The following HIGD1C variants were observed in gnomAD, a reference collection of about 807,000 sequenced individuals.
HIGD1C encodes the protein HIG1 hypoxia inducible domain family member 1C.
A neutral mutation model predicts 13.1 loss-of-function variants in HIGD1C; 11 were observed. That is an observed-to-expected ratio of 0.84 (90% CI 0.53 to 1.39). HIGD1C has a LOEUF of 1.39. Among genes scored for constraint, HIGD1C ranks in the 40% most tolerant of loss-of-function variants. The pLI, the probability that HIGD1C is intolerant of heterozygous loss-of-function variation, is 0.00. For missense variants in HIGD1C, 110 were observed against 112.0 expected (o/e 0.98, Z 0.08); for synonymous variants, 36 against 37.7 (o/e 0.95, Z 0.17).
At chr12:50,945,721 G>A in the HIGD1C span, among the ~76,000 whole-genome samples, 5 of 151,924 alleles carry the variant, frequency 3.3e-5, no homozygotes, top group African/African-American at 1.2e-4. Flanking sequence ...ACAGAATTGG[G>A]AAAAACTACT....
At chr12:50,960,551 C>T (rs1939284911) in intron 1 of HIGD1C, among the ~76,000 whole-genome samples, 1 of 149,452 alleles carries the variant, frequency 6.7e-6, no homozygotes, top group South Asian at 2.2e-4. Context: ...AGATCAAATC[C>T]AGCTTGGTTC....
At chr12:50,931,814 C>T in the HIGD1C span, 24 of 151,866 alleles carry the variant, frequency 1.6e-4, no homozygotes, top group Non-Finnish European at 1.5e-5. Flanking sequence ...ATTCTCCCAC[C>T]TTGACCTCCT....
chr12:50,944,540 C>A, the HIGD1C span, among the ~76,000 whole-genome samples: 2 of 152,132 alleles, frequency 1.3e-5, no homozygotes, highest in African/African-American at 4.8e-5. Flanking sequence ...TTAGTTTTAC[C>A]TTCCCCTCAA....
At chr12:50,942,100 T>C in the HIGD1C span, among the ~76,000 whole-genome samples, 1 of 152,070 alleles carries the variant, frequency 6.6e-6, no homozygotes, top group Non-Finnish European at 1.5e-5. Flanking sequence ...CAGGCTGGTC[T>C]CAAACTCCTG....
At chr12:50,949,664 G>A (rs992065769), upstream of HIGD1C, among the ~76,000 whole-genome samples, 11 of 150,380 alleles carry the variant, frequency 7.3e-5, no homozygotes, top group African/African-American at 2.2e-4. Flanking sequence ...CTCCTCAGTA[G>A]CTGCGATTAC....
intron 2 of HIGD1C, 148 bp from the exon 5 acceptor site, chr12:50,970,294 T>C (rs1468612048): frequency 9.4e-6 from 6 of 637,762 alleles, no homozygotes; most frequent in Admixed American, 6.5e-5. Context: ...GTCACTTGTA[T>C]GATCCAAACC....
exon 1 of HIGD1C, chr12:50,953,927 G>A (rs1039353822): frequency 3.5e-6 from 3 of 865,334 alleles, no homozygotes; most frequent in Non-Finnish European, 5.7e-6. Context: ...AGTATGATGG[G>A]AGAGGAAAAA....
chr12:50,958,942 G>A (rs754863079), intron 1 of HIGD1C, among the ~76,000 whole-genome samples: 7 of 151,292 alleles, frequency 4.6e-5, no homozygotes, highest in Non-Finnish European at 1.0e-4. Flanking sequence ...ACTTAAACCC[G>A]GGAGGCAGAG....
intron 2 of HIGD1C, among the ~76,000 whole-genome samples, chr12:50,964,292 C>A (rs1312470085): frequency 6.6e-6 from 1 of 152,140 alleles, no homozygotes; most frequent in Non-Finnish European, 1.5e-5. Context: ...ATTTCATATC[C>A]CCTTTGCTTT....
chr12:50,940,275 T>A, the HIGD1C span, among the ~76,000 whole-genome samples: 1 of 152,164 alleles, frequency 6.6e-6, no homozygotes. Context: ...GCAGGTAGTA[T>A]TAGAACTATA....
Position 50,970,427 on chromosome 12 carries a change from T to A in HIGD1C, c.230-15T>A, listed in dbSNP as rs367962982. 1 of 1,324,538 alleles carries A rather than the reference T, an allele frequency of 7.5e-7. No individual in the cohort carries two copies. The highest frequency in any genetic ancestry group is 1.3e-5 in the South Asian group (1 of 78,000). The allele number at this position is 1,324,538 out of a possible 1,614,324, so 82.0% of individuals were successfully genotyped here. A position where few individuals can be genotyped will look rare whatever the true frequency, so the allele number is the denominator to read the frequency against. ...CCCATGGATACTCAATTGATATACA[T>A]CCTTCTTTTTCTAGGTGTTCTCTAT... On this transcript the variant is annotated splice_polypyrimidine_tract_variant and intron_variant, in intron 2 of 2. Coordinates refer to ENST00000398455, the Ensembl canonical transcript of HIGD1C.
intron 2 of HIGD1C, among the ~76,000 whole-genome samples, chr12:50,964,121 G>A (rs950688772): frequency 6.6e-6 from 1 of 151,426 alleles, no homozygotes; most frequent in East Asian, 1.9e-4. Flanking sequence ...TATGTTAGAT[G>A]ATAGGTAAAT....
At chr12:50,947,093 A>C in the HIGD1C span, among the ~76,000 whole-genome samples, 1 of 151,974 alleles carries the variant, frequency 6.6e-6, no homozygotes, top group Non-Finnish European at 1.5e-5. Flanking sequence ...TTCCTTCCCT[A>C]GTCCTTATTA....
chr12:50,945,932 C>G, the HIGD1C span, among the ~76,000 whole-genome samples: 13 of 151,950 alleles, frequency 8.6e-5, no homozygotes, highest in Admixed American at 5.2e-4. Context: ...TACCACACAT[C>G]TACAACCATC....
At chr12:50,933,968 TACAAA>T in the HIGD1C span, among the ~76,000 whole-genome samples, 2 of 152,182 alleles carry the variant, frequency 1.3e-5, no homozygotes, top group Non-Finnish European at 2.9e-5. Flanking sequence ...ACCCTATACT[TACAAA>T]ACCTGACCAA....
At chr12:50,948,820 T>C in the HIGD1C span, among the ~76,000 whole-genome samples, 1 of 111,272 alleles carries the variant, frequency 9.0e-6, no homozygotes, top group Non-Finnish European at 1.8e-5. Flanking sequence ...TGCAGTGAGC[T>C]GAGATTGCAC....
intron 2 of HIGD1C, among the ~76,000 whole-genome samples, chr12:50,967,259 T>C (rs1939575915): frequency 6.6e-6 from 1 of 152,170 alleles, no homozygotes; most frequent in African/African-American, 2.4e-5. Flanking sequence ...TCCTCCTGCC[T>C]GCCTCATTCC....
chr12:50,958,385 C>T (rs1228160754), intron 1 of HIGD1C, among the ~76,000 whole-genome samples: 2 of 151,030 alleles, frequency 1.3e-5, no homozygotes, highest in African/African-American at 4.9e-5. Flanking sequence ...GGGTTCACAC[C>T]ATTCTCCTGT....
At chr12:50,939,707 A>G in the HIGD1C span, among the ~76,000 whole-genome samples, 1 of 152,150 alleles carries the variant, frequency 6.6e-6, no homozygotes, top group East Asian at 1.9e-4. Context: ...CAGGATTCTT[A>G]TGAGGATGAA....
Sources: allele counts gnomAD v4.1 joint callset (sites outside exome capture counted in the v4.1 genomes callset), GRCh38; gene constraint gnomAD v4.1.1; transcripts MANE v1.5; gene names NCBI Gene and HGNC (gene_info 2026-07-23, HGNC 2026-07-21).